DENND5A: variants seen among roughly 807,000 people sequenced by gnomAD.
DENND5A encodes the protein DENN domain containing 5A.
In DENND5A, 64 loss-of-function variants were observed where a neutral mutation model predicts 140.3. That is an observed-to-expected ratio of 0.46 (90% confidence interval 0.37 to 0.56). The LOEUF (loss-of-function observed/expected upper bound fraction) is 0.56, where lower values mean the gene tolerates loss of function less well. DENND5A is among the 20% of genes least tolerant of loss of function. The probability of loss-of-function intolerance (pLI) is 0.00; values close to 1 mark genes in which losing one functional copy is unlikely to be tolerated. For missense variants in DENND5A, 1,292 were observed against 1,593.8 expected (o/e 0.81, Z 3.22); for synonymous variants, 605 against 607.7 (o/e 1.00, Z 0.07).
intron 4 of DENND5A, among the ~76,000 whole-genome samples, chr11:9,201,201 A>T (rs976825884): frequency 6.6e-6 from 1 of 151,712 alleles, no homozygotes. Flanking sequence ...ACCTAGCTCT[A>T]CAAAAAAAAA....
chr11:9,234,778 G>T (rs6486226), intron 1 of DENND5A, among the ~76,000 whole-genome samples: 17 of 152,068 alleles, frequency 1.1e-4, no homozygotes, highest in Middle Eastern at 6.8e-3. Context: ...CCTTTATTTC[G>T]GCCCATCCCT....
chr11:9,232,239 A>G (rs1388647079), intron 1 of DENND5A, among the ~76,000 whole-genome samples: 2 of 152,190 alleles, frequency 1.3e-5, no homozygotes, highest in African/African-American at 4.8e-5. Flanking sequence ...TATAAATTGT[A>G]CATTACAATT....
chr11:9,220,304 T>C (rs1021834027), intron 1 of DENND5A, among the ~76,000 whole-genome samples: 6 of 152,136 alleles, frequency 3.9e-5, no homozygotes, highest in African/African-American at 4.8e-5. Flanking sequence ...TCCCAACACT[T>C]TGGGAGGCCG....
rs753941157 is a variant in DENND5A, at chr11:9,147,030, G to A, written c.2857C>T (p.Leu953=). Residue 953 remains leucine, a splice_region_variant and synonymous_variant, in exon 16 of 23, where the codon CTG becomes TTG. Transcript: ENST00000328194. ...FCFTNVFTTI[L]IPYHILIVPS... is the part of the protein sequence containing the mutation. ...CAGCTGGGAGCACAGGGCTACTCACGGATAGTTGTGAAGACATTGGTGAAG... is the reference window on the plus strand; with the variant it reads ...CAGCTGGGAGCACAGGGCTACTCACAGATAGTTGTGAAGACATTGGTGAAG... 24 of 1,614,048 alleles carry A rather than the reference G, an allele frequency of 1.5e-5. No individual in the cohort carries two copies. The highest frequency in any genetic ancestry group is 5.5e-5 in the South Asian group (5 of 91,072).
At chr11:9,149,349 C>T (rs1847536103) in intron 15 of DENND5A, among the ~76,000 whole-genome samples, 1 of 152,128 alleles carries the variant, frequency 6.6e-6, no homozygotes, top group Admixed American at 6.6e-5. Flanking sequence ...TGGCTGAATC[C>T]CTAGTGGATG....
chr11:9,224,876 A>AT (rs956648136), intron 1 of DENND5A, among the ~76,000 whole-genome samples: 1 of 150,716 alleles, frequency 6.6e-6, no homozygotes, highest in Non-Finnish European at 1.5e-5. Flanking sequence ...AAAAAAAAAA[A>AT]TCCACAGTAT....
chr11:9,178,749 A>T, intron 7 of DENND5A, 109 bp downstream of exon 7: 1 of 915,692 alleles, frequency 1.1e-6, no homozygotes, highest in South Asian at 1.5e-5. Context: ...ACTTGTTTCC[A>T]GCATATGATA....
intron 1 of DENND5A, among the ~76,000 whole-genome samples, chr11:9,218,883 G>A (rs1261119871): frequency 6.6e-6 from 1 of 152,080 alleles, no homozygotes; most frequent in Non-Finnish European, 1.5e-5. Flanking sequence ...GCACATGCCT[G>A]TAATCCCAGC....
intron 1 of DENND5A, among the ~76,000 whole-genome samples, chr11:9,210,604 C>T (rs1849845136): frequency 6.6e-6 from 1 of 152,172 alleles, no homozygotes; most frequent in Non-Finnish European, 1.5e-5. Context: ...GGTGCAGTGG[C>T]ACAATCACGG....
At chr11:9,168,273 T>C (rs548148603) in intron 10 of DENND5A, among the ~76,000 whole-genome samples, 42 of 151,966 alleles carry the variant, frequency 2.8e-4, no homozygotes, top group Non-Finnish European at 5.6e-4. Context: ...GTTCTCGTGA[T>C]AGTGCATAAG....
intron 8 of DENND5A, chr11:9,171,268 G>C (rs1185424116): frequency 6.5e-6 from 1 of 155,020 alleles, no homozygotes; most frequent in Admixed American, 6.3e-5. Context: ...CACCGGAAAG[G>C]ATTAGGAGAA....
chr11:9,221,094 A>G (rs1850294958), intron 1 of DENND5A, among the ~76,000 whole-genome samples: 1 of 151,942 alleles, frequency 6.6e-6, no homozygotes, highest in African/African-American at 2.4e-5. Flanking sequence ...AAAAGAATAC[A>G]AACCCAAAAA....
chr11:9,193,114 A>G (rs920328136), intron 5 of DENND5A, among the ~76,000 whole-genome samples: 1 of 152,134 alleles, frequency 6.6e-6, no homozygotes, highest in Non-Finnish European at 1.5e-5. Flanking sequence ...TTTAGTCCCA[A>G]CTACTCAGGA....
chr11:9,250,044 TAA>T (rs10710741), intron 1 of DENND5A, among the ~76,000 whole-genome samples: 143 of 138,558 alleles, frequency 1.0e-3, no homozygotes, highest in African/African-American at 2.2e-3. Context: ...AAATAAAATT[TAA>T]AAAAAAAAAA....
intron 6 of DENND5A, 104 bp from the exon 7 acceptor site, chr11:9,179,177 T>G: frequency 4.2e-6 from 4 of 948,072 alleles, no homozygotes; most frequent in Non-Finnish European, 6.4e-6. Flanking sequence ...ACAGTGCTAA[T>G]TTACTTAGCA....
chr11:9,263,005 T>C (rs1852273924), intron 1 of DENND5A, among the ~76,000 whole-genome samples: 1 of 151,856 alleles, frequency 6.6e-6, no homozygotes, highest in Non-Finnish European at 1.5e-5. Context: ...CCTCCCAAAG[T>C]GCTGGGATTA....
chr11:9,212,565 C>G (rs1206429002), intron 1 of DENND5A, among the ~76,000 whole-genome samples: 1 of 151,682 alleles, frequency 6.6e-6, no homozygotes, highest in East Asian at 1.9e-4. Context: ...GGGGAAGAAA[C>G]TGAAATTACT....
chr11:9,214,585 C>T (rs1850012442), intron 1 of DENND5A, among the ~76,000 whole-genome samples: 1 of 152,168 alleles, frequency 6.6e-6, no homozygotes, highest in South Asian at 2.1e-4. Flanking sequence ...GTAACTGTTC[C>T]TTGAAGAGAC....
Position 9,142,288 on chromosome 11 carries a change from T to A in DENND5A, c.3512-180A>T, listed in dbSNP as rs576655739. ...ATCCTTAGCTTCCCTATCCTTATTT[T>A]TTAAATTTATGTATGTGGCCCTTGA... On this transcript the variant is annotated intron_variant, in intron 21 of 22. Transcript: ENST00000328194. 2.0e-5 allele frequency among the ~76,000 whole-genome samples: 3 copies of A among 152,322 alleles called. No individual in the cohort carries two copies. The East Asian group carries it at 5.8e-4, about 29-fold the overall frequency.
Sources: allele counts gnomAD v4.1 joint callset (sites outside exome capture counted in the v4.1 genomes callset), GRCh38; gene constraint gnomAD v4.1.1; transcripts MANE v1.5; gene names NCBI Gene and HGNC (gene_info 2026-07-23, HGNC 2026-07-21).